IRAG2: variants seen among roughly 807,000 people sequenced by gnomAD.
IRAG2 encodes inositol 1,4,5-triphosphate receptor associated 2.
Under a neutral mutation model 69.9 loss-of-function variants are expected in IRAG2, and 45 were observed. The ratio of observed to expected loss-of-function variants is 0.64; its 90% confidence interval spans 0.51 to 0.83. The LOEUF (loss-of-function observed/expected upper bound fraction) is 0.83. Ranked by LOEUF, IRAG2 falls within the 40% of genes least tolerant of loss-of-function variation. IRAG2 has a pLI of 0.00. For missense variants in IRAG2, 520 were observed against 587.0 expected (o/e 0.89, Z 1.18); for synonymous variants, 193 against 202.4 (o/e 0.95, Z 0.40).
At chr12:25,081,403 G>A (rs1947206686) in intron 9 of IRAG2, among the ~76,000 whole-genome samples, 1 of 152,238 alleles carries the variant, frequency 6.6e-6, no homozygotes, top group African/African-American at 2.4e-5. Context: ...GGCGGAGCTT[G>A]CAGTGAGCTG....
intron 3 of IRAG2, among the ~76,000 whole-genome samples, chr12:25,012,401 C>T (rs1330610531): frequency 1.3e-5 from 2 of 151,844 alleles, no homozygotes; most frequent in Non-Finnish European, 2.9e-5. Flanking sequence ...CTGATCTGCC[C>T]ACCTCGGCCT....
At chr12:25,049,841 G>A (rs1272415788), upstream of IRAG2, among the ~76,000 whole-genome samples, 1 of 152,010 alleles carries the variant, frequency 6.6e-6, no homozygotes, top group African/African-American at 2.4e-5. Context: ...AAATTAGCCA[G>A]GCATAGTGGC....
At chr12:25,069,269 G>A in intron 5 of IRAG2, 81 bp from the exon 6 acceptor site, 1 of 645,778 alleles carries the variant, frequency 1.5e-6, no homozygotes. Context: ...GTAGGGGAGT[G>A]AGAACCATGT....
At position 25,073,812 on chromosome 12, in the gene IRAG2, G is replaced by A. The variant is rs778515980; in HGVS notation, c.24+4381G>A. Among the ~76,000 whole-genome samples the A allele has an allele frequency of 7.2e-5, 11 of 152,158 alleles. No homozygotes were observed. The East Asian group carries it at 9.6e-4, about 13-fold the overall frequency. ...TGGAGATTCATTCTGAAATATTTAC[G>A]GATAAAAATGTTATGATGTCTGCCA... On this transcript the variant is annotated intron_variant, in intron 6 of 21. Transcript: ENST00000556887.
At chr12:25,059,256 C>T (rs372317349) in intron 1 of IRAG2, among the ~76,000 whole-genome samples, 1 of 136,214 alleles carries the variant, frequency 7.3e-6, no homozygotes, top group South Asian at 2.9e-4. Context: ...CTTCTTAATA[C>T]AGTTAAGACA....
intron 10 of IRAG2, among the ~76,000 whole-genome samples, chr12:25,087,621 T>A (rs748491165): frequency 3.8e-4 from 57 of 151,532 alleles, no homozygotes; most frequent in Admixed American, 1.8e-3. Flanking sequence ...TGCAGCCAAT[T>A]TTATTTCCTT....
chr12:25,028,069 C>T (rs906561059), intron 9 of IRAG2, among the ~76,000 whole-genome samples: 1 of 152,088 alleles, frequency 6.6e-6, no homozygotes. Context: ...GGATTACAGG[C>T]GTGCGCCACC....
chr12:25,052,568 C>G (rs1467317995), upstream of IRAG2: 4 of 397,148 alleles, frequency 1.0e-5, no homozygotes, highest in African/African-American at 2.1e-5. Context: ...AGAGGCGACT[C>G]TGCAGAAAGA....
At chr12:24,999,249 C>A in the IRAG2 span, among the ~76,000 whole-genome samples, 14 of 152,304 alleles carry the variant, frequency 9.2e-5, no homozygotes, top group East Asian at 1.9e-4. Context: ...TTGAAGTCTG[C>A]AGTTACACTG....
chr12:25,107,275 T>G (rs1312418350), intron 21 of IRAG2, among the ~76,000 whole-genome samples: 2 of 152,208 alleles, frequency 1.3e-5, no homozygotes, highest in African/African-American at 4.8e-5. Context: ...TTATATTCTA[T>G]TTTATGTTAG....
At chr12:25,083,235 G>A (rs555602946) in intron 9 of IRAG2, among the ~76,000 whole-genome samples, 188 bp from the exon 10 acceptor site, 21 of 152,098 alleles carry the variant, frequency 1.4e-4, no homozygotes, top group Admixed American at 2.6e-4. Flanking sequence ...AATCTTTTAC[G>A]GCCTTAGCTG....
At chr12:25,007,845 C>T (rs1476984501) in intron 2 of IRAG2, among the ~76,000 whole-genome samples, 1 of 152,122 alleles carries the variant, frequency 6.6e-6, no homozygotes, top group African/African-American at 2.4e-5. Context: ...CACAGTTTAC[C>T]ACAATCTGAA....
At chr12:25,035,694 A>T (rs1944697427) in exon 14 of IRAG2, 2 of 399,044 alleles carry the variant, frequency 5.0e-6, no homozygotes, top group Non-Finnish European at 8.8e-6. Context: ...TCAACTTGTC[A>T]TCTCTGGACG....
intron 1 of IRAG2, among the ~76,000 whole-genome samples, chr12:25,057,804 G>A (rs1440415721): frequency 6.6e-6 from 1 of 152,072 alleles, no homozygotes; most frequent in Non-Finnish European, 1.5e-5. Flanking sequence ...AGCACCCTAA[G>A]GAACAACCAC....
At chr12:25,097,759 A>G (rs1005747393) in intron 15 of IRAG2, among the ~76,000 whole-genome samples, 1 of 152,108 alleles carries the variant, frequency 6.6e-6, no homozygotes, top group African/African-American at 2.4e-5. Flanking sequence ...TCTTTGTTTC[A>G]TTTTTACTAA....
intron 3 of IRAG2, among the ~76,000 whole-genome samples, chr12:25,012,912 T>G (rs1410933588): frequency 6.6e-6 from 1 of 152,212 alleles, no homozygotes; most frequent in Non-Finnish European, 1.5e-5. Flanking sequence ...TAAGAAAATA[T>G]GACTGAAATG....
chr12:25,016,726 C>A (rs777083670), intron 5 of IRAG2, among the ~76,000 whole-genome samples: 1 of 147,874 alleles, frequency 6.8e-6, no homozygotes, highest in East Asian at 2.0e-4. Context: ...CCATCTTGGG[C>A]GACAGAGCAA....
At chr12:25,047,315 A>G (rs1293041346), upstream of IRAG2, among the ~76,000 whole-genome samples, 1 of 152,224 alleles carries the variant, frequency 6.6e-6, no homozygotes, top group African/African-American at 2.4e-5. Flanking sequence ...CAAAATAGGC[A>G]TGTTGGACTG....
At chr12:25,075,786 G>C (rs1413531721) in intron 6 of IRAG2, 1 of 152,078 alleles carries the variant, frequency 6.6e-6, no homozygotes, top group African/African-American at 2.4e-5. Flanking sequence ...TCATTGACTT[G>C]AGCCAATCTT....
Sources: gnomAD v4.1 joint callset for allele counts (sites outside exome capture counted in the v4.1 genomes callset) on GRCh38, gnomAD v4.1.1 for gene constraint, MANE v1.5 for transcripts, NCBI Gene and HGNC (gene_info 2026-07-23, HGNC 2026-07-21) for gene names.